MRTFA: variants seen among roughly 807,000 people sequenced by gnomAD.
The protein encoded by MRTFA is myocardin-related transcription factor A.
MRTFA carries 20 observed loss-of-function variants against 83.5 expected under a neutral mutation model. The observed-to-expected ratio is 0.24, with a 90% CI of 0.17 to 0.35. The LOEUF (loss-of-function observed/expected upper bound fraction) is 0.35. Among genes scored for constraint, MRTFA ranks in the 10% least tolerant of loss-of-function variants. The probability of loss-of-function intolerance (pLI) is 1.00; values close to 1 mark genes in which losing one functional copy is unlikely to be tolerated. For synonymous variants in MRTFA, 659 were observed against 541.2 expected (o/e 1.22, Z -3.02); for missense variants, 1,200 against 1,224.7 (o/e 0.98, Z 0.30).
At chr22:40,511,104 G>T (rs138410759) in intron 3 of MRTFA, among the ~76,000 whole-genome samples, 1 of 152,168 alleles carries the variant, frequency 6.6e-6, no homozygotes, top group Non-Finnish European at 1.5e-5. Context: ...CAGCTGAATG[G>T]ACAGATTGGA....
At chr22:40,516,091 G>A (rs1256741684) in intron 3 of MRTFA, among the ~76,000 whole-genome samples, 1 of 152,072 alleles carries the variant, frequency 6.6e-6, no homozygotes, top group African/African-American at 2.4e-5. Context: ...AACATCTCAA[G>A]GACTGACTTA....
chr22:40,493,755 T>G (rs2054307471), intron 3 of MRTFA, among the ~76,000 whole-genome samples: 1 of 152,192 alleles, frequency 6.6e-6, no homozygotes, highest in South Asian at 2.1e-4. Flanking sequence ...AAAAACAGTT[T>G]GGGAGTTTCT....
chr22:40,478,059 G>C (rs1232219704), intron 3 of MRTFA, among the ~76,000 whole-genome samples: 1 of 152,174 alleles, frequency 6.6e-6, no homozygotes, highest in East Asian at 1.9e-4. Context: ...AGTTGTTAAA[G>C]GATCCAGAAA....
Position 40,466,499 on chromosome 22 carries a change from C to CT in MRTFA, c.242-3214dup, listed in dbSNP as rs1035125008. ...GCACCTGATCATATGCAATGTGCCT[C>CT]TTTGTCAGAAAGAAAAAGGAGAGCC... is the stretch of plus-strand genomic sequence containing the variant. On this transcript the variant is annotated intron_variant, in intron 3 of 14. Transcript: ENST00000355630. 3.9e-5 allele frequency among the ~76,000 whole-genome samples: 6 copies of CT among 152,176 alleles called. No homozygotes were observed. The South Asian group carries it at 1.2e-3, about 32-fold the overall frequency.
rs759713267 is a variant in MRTFA at position 40,411,483 on chromosome 22, G to A, written c.3003C>T (p.Ser1001=). Residue 1001 remains serine, a synonymous_variant, in exon 15 of 15, where the codon AGC becomes AGT. Coordinates refer to ENST00000355630, the MANE Select transcript of MRTFA (RefSeq NM_020831.6). ...GGGCTGTGGTGCTGAGGGGGGCTAG[G>A]CTCAGCACGGGACCACCTGACGACA... 1 of 1,609,732 alleles carries A rather than the reference G, an allele frequency of 6.2e-7. No individual in the cohort carries two copies. Among genetic ancestry groups the A allele is most frequent in the Admixed American group, 1.7e-5 (1 of 59,906 alleles).
At chr22:40,449,972 G>C (rs2053456875) in intron 4 of MRTFA, among the ~76,000 whole-genome samples, 1 of 152,190 alleles carries the variant, frequency 6.6e-6, no homozygotes. Flanking sequence ...CACCCAAAAG[G>C]TGAGGAGCAC....
intron 5 of MRTFA, among the ~76,000 whole-genome samples, chr22:40,434,273 A>ACTGCTG (rs1258952101): frequency 1.3e-5 from 2 of 150,826 alleles, no homozygotes; most frequent in Non-Finnish European, 2.9e-5. Flanking sequence ...AAACTAAACC[A>ACTGCTG]CTGCTGCTTG....
chr22:40,631,540 C>A (rs185416505), intron 1 of MRTFA, among the ~76,000 whole-genome samples: 1 of 152,254 alleles, frequency 6.6e-6, no homozygotes, highest in Admixed American at 6.5e-5. Context: ...CCGATCTATG[C>A]AGTATGACTC....
chr22:40,483,478 G>T (rs963327749), intron 3 of MRTFA, among the ~76,000 whole-genome samples: 2 of 151,338 alleles, frequency 1.3e-5, no homozygotes, highest in African/African-American at 4.9e-5. Flanking sequence ...GAGGTCAGGA[G>T]ATCAAGACCA....
chr22:40,497,917 TGAGCTCAGGAGTTG>T (rs2054383849), intron 3 of MRTFA, among the ~76,000 whole-genome samples: 1 of 152,138 alleles, frequency 6.6e-6, no homozygotes, highest in Non-Finnish European at 1.5e-5. Flanking sequence ...GTGGACTGCT[TGAGCTCAGGAGTTG>T]GAGACCAGTC....
At chr22:40,586,234 T>C (rs2056025592) in intron 2 of MRTFA, among the ~76,000 whole-genome samples, 1 of 149,982 alleles carries the variant, frequency 6.7e-6, no homozygotes, top group Non-Finnish European at 1.5e-5. Context: ...AAAATCTTAT[T>C]GATCTGCCAA....
In MRTFA at chr22:40,626,404, G is replaced by A. The variant is rs116278182; in HGVS notation, c.-84+10074C>T. ...CCAAGCTCAAGCAATTCTCTCCCAC[G>A]CCTCAAGTTTCCAGAGTAGCTGGGA... On this transcript the variant is annotated intron_variant, in intron 1 of 14. Transcript: ENST00000355630. 4.4e-3 allele frequency among the ~76,000 whole-genome samples: 664 copies of A among 152,154 alleles called. 7 individuals are homozygous for A. Among genetic ancestry groups the A allele is most frequent in the African/African-American group, 0.015 (640 of 41,498 alleles).
chr22:40,545,251 G>A (rs1384801372), intron 3 of MRTFA, among the ~76,000 whole-genome samples: 1 of 151,998 alleles, frequency 6.6e-6, no homozygotes, highest in Non-Finnish European at 1.5e-5. Context: ...GAAGACAGAG[G>A]AGTAATATTT....
chr22:40,600,158 ATC>A (rs956993738), intron 1 of MRTFA, among the ~76,000 whole-genome samples: 7 of 152,092 alleles, frequency 4.6e-5, no homozygotes, highest in Non-Finnish European at 1.0e-4. Context: ...AAAAATCTTA[ATC>A]TCTCTCTGCC....
At chr22:40,477,314 C>T (rs1277310989) in intron 3 of MRTFA, among the ~76,000 whole-genome samples, 2 of 151,718 alleles carry the variant, frequency 1.3e-5, no homozygotes, top group African/African-American at 4.8e-5. Context: ...CACGCCACTG[C>T]CCTCCAGCCT....
Position 40,480,063 on chromosome 22 carries a change from CTTAT to C in MRTFA, c.242-16781_242-16778del, listed in dbSNP as rs758610652. 7.2e-5 allele frequency among the ~76,000 whole-genome samples: 11 copies of C among 152,232 alleles called. No homozygotes were observed. The East Asian group carries it at 2.1e-3, about 29-fold the overall frequency. On this transcript the variant is annotated intron_variant, in intron 3 of 14. Coordinates refer to ENST00000355630, the MANE Select transcript of MRTFA (RefSeq NM_020831.6). ...AATGGTGTAAACATGCATGCATCAT[CTTAT>C]TTCTCACAACAAAGCTATGCAGACG...
chr22:40,502,974 C>T (rs1219706849), intron 3 of MRTFA, among the ~76,000 whole-genome samples: 1 of 152,176 alleles, frequency 6.6e-6, no homozygotes, highest in Non-Finnish European at 1.5e-5. Flanking sequence ...CCCTTCTCCA[C>T]TTTTCCCATC....
chr22:40,512,925 T>G (rs974850398), intron 3 of MRTFA, among the ~76,000 whole-genome samples: 1 of 152,254 alleles, frequency 6.6e-6, no homozygotes, highest in South Asian at 2.1e-4. Flanking sequence ...TTATGAACAT[T>G]TGTTAAACTA....
intron 2 of MRTFA, among the ~76,000 whole-genome samples, chr22:40,577,272 C>T (rs1352828790): frequency 7.0e-6 from 1 of 143,780 alleles, no homozygotes; most frequent in African/African-American, 2.6e-5. Flanking sequence ...AAAAAAAAGA[C>T]TATAATGAGA....
Sources: allele counts gnomAD v4.1 joint callset (sites outside exome capture counted in the v4.1 genomes callset), GRCh38; gene constraint gnomAD v4.1.1; transcripts MANE v1.5; gene names NCBI Gene and HGNC (gene_info 2026-07-23, HGNC 2026-07-21).